NPR3: variants seen among roughly 807,000 people sequenced by gnomAD.
NPR3 encodes the protein atrial natriuretic peptide receptor 3.
In NPR3, 34 loss-of-function variants were observed where a neutral mutation model predicts 54.5. The ratio of observed to expected loss-of-function variants is 0.62; its 90% CI spans 0.47 to 0.83. The LOEUF (loss-of-function observed/expected upper bound fraction) is 0.83. NPR3 is among the 40% of genes least tolerant of loss of function. The probability of loss-of-function intolerance (pLI) is 0.00; values close to 1 mark genes in which losing one functional copy is unlikely to be tolerated. For synonymous variants in NPR3, 289 were observed against 297.1 expected (o/e 0.97, Z 0.28); for missense variants, 674 against 720.8 (o/e 0.94, Z 0.74).
At chr5:32,768,584 T>C (rs1741594979) in intron 3 of NPR3, among the ~76,000 whole-genome samples, 1 of 152,154 alleles carries the variant, frequency 6.6e-6, no homozygotes. Context: ...GTGCCAGCTG[T>C]GTGACCCTCT....
intron 1 of NPR3, among the ~76,000 whole-genome samples, chr5:32,704,400 GTGTA>G (rs1236842188): frequency 4.6e-5 from 7 of 151,446 alleles, no homozygotes; most frequent in Admixed American, 6.6e-5. Flanking sequence ...GTGTGTGTGT[GTGTA>G]TAGTTGTTCA....
At chr5:32,699,576 T>G (rs182654860) in intron 1 of NPR3, among the ~76,000 whole-genome samples, 15 of 152,350 alleles carry the variant, frequency 9.8e-5, no homozygotes, top group Admixed American at 9.8e-4. Context: ...GGAAAAACTC[T>G]GCACTTTAAC....
chr5:32,722,865 G>A (rs1215078348), intron 1 of NPR3, among the ~76,000 whole-genome samples: 3 of 152,146 alleles, frequency 2.0e-5, no homozygotes, highest in African/African-American at 7.2e-5. Flanking sequence ...TATTCCAAAT[G>A]TATACCTATA....
chr5:32,722,000 A>C (rs1219710050), intron 1 of NPR3, among the ~76,000 whole-genome samples: 1 of 152,190 alleles, frequency 6.6e-6, no homozygotes, highest in Non-Finnish European at 1.5e-5. Flanking sequence ...TTATCTAATC[A>C]TAAGTATCTA....
At chr5:32,732,787 T>C (rs981037218) in intron 2 of NPR3, among the ~76,000 whole-genome samples, 6 of 152,232 alleles carry the variant, frequency 3.9e-5, no homozygotes, top group Admixed American at 3.9e-4. Flanking sequence ...CCAAACCCTA[T>C]GCTTGTTCTA....
At chr5:32,744,642 T>A (rs1236468734) in intron 3 of NPR3, among the ~76,000 whole-genome samples, 1 of 152,168 alleles carries the variant, frequency 6.6e-6, no homozygotes, top group Non-Finnish European at 1.5e-5. Context: ...TTACTTTTGT[T>A]TCTTGTATTC....
chr5:32,754,063 G>A (rs1398311061), intron 3 of NPR3, among the ~76,000 whole-genome samples: 2 of 152,172 alleles, frequency 1.3e-5, no homozygotes, highest in African/African-American at 4.8e-5. Context: ...CTTGGCCACT[G>A]TACTAACCAA....
rs138134639 is a variant in NPR3, at chr5:32,760,547, T to C, written c.1060-14161T>C. On this transcript the variant is annotated intron_variant, in intron 3 of 7. Transcript: ENST00000265074. ...TAAAAATTAGCCTGTCTTTTTATTG[T>C]TGTTTGAAAGATTTCTTTTTTATAT... 4.5e-4 allele frequency among the ~76,000 whole-genome samples: 68 copies of C among 152,342 alleles called. 1 individual carries two copies. In the East Asian group the frequency reaches 0.011, roughly 24 times the overall value.
intron 1 of NPR3, among the ~76,000 whole-genome samples, chr5:32,720,615 T>C (rs1002234607): frequency 1.3e-5 from 2 of 152,228 alleles, no homozygotes; most frequent in Non-Finnish European, 2.9e-5. Flanking sequence ...AAGAAAAGTC[T>C]ATACATAAAG....
At chr5:32,742,133 A>C (rs1175769306) in intron 3 of NPR3, among the ~76,000 whole-genome samples, 2 of 151,944 alleles carry the variant, frequency 1.3e-5, no homozygotes, top group African/African-American at 4.8e-5. Flanking sequence ...TCATCTGCTT[A>C]CTTAGAACTC....
upstream of NPR3, chr5:32,710,892 A>AAATGTGTG: frequency 1.2e-6 from 1 of 850,218 alleles, no homozygotes; most frequent in Non-Finnish European, 1.6e-6. Flanking sequence ...GTGTGTGTGT[A>AAATGTGTG]TATGTGTGTG....
intron 4 of NPR3, among the ~76,000 whole-genome samples, chr5:32,779,777 C>A (rs1270896769): frequency 6.6e-6 from 1 of 152,146 alleles, no homozygotes; most frequent in African/African-American, 2.4e-5. Context: ...CTACCAAGAA[C>A]AATTATAAAA....
intron 1 of NPR3, among the ~76,000 whole-genome samples, chr5:32,697,172 G>A (rs1740551894): frequency 6.6e-6 from 1 of 151,906 alleles, no homozygotes; most frequent in African/African-American, 2.4e-5. Context: ...GATTTTTGAG[G>A]GCTTTTTAAA....
In NPR3 at chr5:32,724,991, G is replaced by T. The variant is rs114465975; in HGVS notation, c.892+171G>T. Among the ~76,000 whole-genome samples, 586 of 152,258 alleles carry T rather than the reference G, an allele frequency of 3.8e-3. 6 individuals are homozygous for T. The highest frequency in any genetic ancestry group is 0.014 in the African/African-American group (566 of 41,534). Reference sequence around the variant, plus strand: ...TTTTGCAGCAACATTAATGGAGCTGGAGGCCATGATCCAAACAAATTAATG... The same window carrying T: ...TTTTGCAGCAACATTAATGGAGCTGTAGGCCATGATCCAAACAAATTAATG... On this transcript the variant is annotated intron_variant, in intron 2 of 7. Coordinates refer to ENST00000265074, the MANE Select transcript of NPR3 (RefSeq NM_001204375.2).
chr5:32,722,835 G>C (rs1030051734), intron 1 of NPR3, among the ~76,000 whole-genome samples: 1 of 152,132 alleles, frequency 6.6e-6, no homozygotes, highest in Non-Finnish European at 1.5e-5. Context: ...TCTTACTGAG[G>C]CATCTTGGAA....
At chr5:32,726,634 G>T (rs561771533) in intron 2 of NPR3, among the ~76,000 whole-genome samples, 23 of 152,338 alleles carry the variant, frequency 1.5e-4, no homozygotes, top group African/African-American at 5.1e-4. Flanking sequence ...TTAGAGGCAT[G>T]AGGTCTGGCA....
rs1469916217 is a variant in NPR3, at chr5:32,787,163, T to G, written c.*818T>G. Reference sequence around the variant, plus strand: ...TTACATTTTAAAAGCATGGGTGAAGTGTACAACAAACCAATAATGATAAAA... The same window carrying G: ...TTACATTTTAAAAGCATGGGTGAAGGGTACAACAAACCAATAATGATAAAA... On this transcript the variant is annotated 3_prime_UTR_variant, in exon 8 of 8. Transcript: ENST00000265074. 2 of 152,646 alleles carry G rather than the reference T, an allele frequency of 1.3e-5. No individual in the cohort carries two copies. Among genetic ancestry groups the G allele is most frequent in the African/African-American group, 4.8e-5 (2 of 41,446 alleles). The allele number at this position is 152,646 out of a possible 1,614,324, so 9.5% of individuals were successfully genotyped here.
intron 7 of NPR3, among the ~76,000 whole-genome samples, chr5:32,785,402 C>G (rs1353355488): frequency 1.3e-5 from 2 of 152,070 alleles, no homozygotes; most frequent in African/African-American, 4.8e-5. Context: ...CCATCTACCT[C>G]GACCTCCCAA....
chr5:32,785,145 T>TC (rs896351614), intron 7 of NPR3, among the ~76,000 whole-genome samples: 1 of 97,022 alleles, frequency 1.0e-5, no homozygotes, highest in African/African-American at 3.3e-5. Context: ...CAGATTTTTT[T>TC]TTTTTTTTTT....
Sources: gnomAD v4.1 joint callset for allele counts (sites outside exome capture counted in the v4.1 genomes callset) on GRCh38, gnomAD v4.1.1 for gene constraint, MANE v1.5 for transcripts, NCBI Gene and HGNC (gene_info 2026-07-23, HGNC 2026-07-21) for gene names.